The following SSH2 variants were observed in gnomAD, a reference collection of about 807,000 sequenced individuals.
The protein encoded by SSH2 is protein phosphatase Slingshot homolog 2.
Under a neutral mutation model 135.2 loss-of-function variants are expected in SSH2, and 37 were observed. The ratio of observed to expected loss-of-function variants is 0.27; its 90% CI spans 0.21 to 0.36. The LOEUF is 0.36. Among genes scored for constraint, SSH2 ranks in the 10% least tolerant of loss-of-function variants. The probability of loss-of-function intolerance (pLI) is 1.00; values close to 1 mark genes in which losing one functional copy is unlikely to be tolerated. For missense variants in SSH2, 1,408 were observed against 1,765.3 expected, an observed-to-expected ratio of 0.80 and a Z score of 3.63; for synonymous variants, 628 against 646.2, an observed-to-expected ratio of 0.97 and a Z score of 0.43.
rs1334724670 is a variant in SSH2, at chr17:29,797,475, G to A, written c.145-3538C>T. On this transcript the variant is annotated intron_variant, in intron 2 of 15. Coordinates refer to ENST00000540801, the MANE Select transcript of SSH2 (RefSeq NM_001282129.2). The stretch of plus-strand genomic sequence containing the variant: ...ATAATGTTTTCGAGATTCATCCCAC[G>A]TTGTTGCATAAAATAGCAGTTCATT... Among the ~76,000 whole-genome samples the A allele has an allele frequency of 3.3e-5, 5 of 152,262 alleles. No individual in the cohort carries two copies. In the East Asian group the frequency reaches 5.8e-4, roughly 18 times the overall value.
At chr17:29,843,412 C>T (rs2043077480) in intron 2 of SSH2, among the ~76,000 whole-genome samples, 1 of 151,942 alleles carries the variant, frequency 6.6e-6, no homozygotes, top group South Asian at 2.1e-4. Context: ...AAAAATTAGC[C>T]AGGCATGGGT....
At chr17:29,782,559 T>A (rs920503432) in intron 3 of SSH2, among the ~76,000 whole-genome samples, 2 of 152,176 alleles carry the variant, frequency 1.3e-5, no homozygotes, top group African/African-American at 4.8e-5. Flanking sequence ...CAAATCAGTC[T>A]TCCTGAAAAC....
intron 1 of SSH2, among the ~76,000 whole-genome samples, chr17:29,883,837 A>G (rs2066183651): frequency 6.6e-6 from 1 of 152,196 alleles, no homozygotes; most frequent in South Asian, 2.1e-4. Context: ...TTTAGCACAG[A>G]AACATTTTCA....
Position 29,707,493 on chromosome 17 carries a change from G to A in SSH2, c.189-4431C>T, listed in dbSNP as rs1598848441. ...ACAAATGTCAATAAACTTTTCTGATGGAACAAATTGTACAAGGTAGGCCAA... is the reference window on the plus strand; with the variant it reads ...ACAAATGTCAATAAACTTTTCTGATAGAACAAATTGTACAAGGTAGGCCAA... On this transcript the variant is annotated intron_variant, in intron 3 of 15. Coordinates refer to ENST00000540801, the MANE Select transcript of SSH2 (RefSeq NM_001282129.2). Among the ~76,000 whole-genome samples the A allele has an allele frequency of 2.6e-5, 4 of 151,514 alleles. No individual in the cohort carries two copies. In the East Asian group the frequency reaches 7.7e-4, roughly 29 times the overall value.
At chr17:29,732,706 G>A (rs192736392) in intron 3 of SSH2, among the ~76,000 whole-genome samples, 10 of 152,198 alleles carry the variant, frequency 6.6e-5, no homozygotes, top group South Asian at 4.2e-4. Context: ...AGGAGGCTTC[G>A]GCTCATAGCA....
chr17:29,794,558 T>C (rs1599009713), intron 2 of SSH2, among the ~76,000 whole-genome samples: 2 of 152,342 alleles, frequency 1.3e-5, no homozygotes, highest in African/African-American at 4.8e-5. Flanking sequence ...CAATGTCATA[T>C]AAAAGCACTG....
In SSH2 at chr17:29,737,587, T is replaced by C. The variant is rs150316717; in HGVS notation, c.189-34525A>G. 1.9e-3 allele frequency among the ~76,000 whole-genome samples: 283 copies of C among 152,340 alleles called. 1 individual carries two copies. The highest frequency in any genetic ancestry group is 0.01 in the Middle Eastern group (3 of 294). On this transcript the variant is annotated intron_variant, in intron 3 of 15. Coordinates refer to ENST00000540801, the MANE Select transcript of SSH2 (RefSeq NM_001282129.2). ...GCATGGGATATAAAGTTAGAAGACC[T>C]GAATTTCAGTCACTGCCCTTTCGTC...
At chr17:29,893,482 TC>T (rs2066388094) in intron 1 of SSH2, among the ~76,000 whole-genome samples, 1 of 152,086 alleles carries the variant, frequency 6.6e-6, no homozygotes, top group Non-Finnish European at 1.5e-5. Context: ...TCACCCGTTT[TC>T]CCCTTTTGCT....
chr17:29,772,991 C>A (rs2151275148), intron 3 of SSH2, among the ~76,000 whole-genome samples: 1 of 152,066 alleles, frequency 6.6e-6, no homozygotes, highest in African/African-American at 2.4e-5. Flanking sequence ...TCTCGGCTTC[C>A]ATAATTGCAT....
chr17:29,847,425 T>A (rs2043150537), intron 2 of SSH2, among the ~76,000 whole-genome samples: 1 of 152,298 alleles, frequency 6.6e-6, no homozygotes, highest in South Asian at 2.1e-4. Context: ...TATTTCTAAT[T>A]TTCATTAATA....
At chr17:29,673,841 T>G (rs2037596562) in intron 8 of SSH2, 1 of 312,236 alleles carries the variant, frequency 3.2e-6, no homozygotes, top group South Asian at 2.8e-5. Flanking sequence ...ATGTCAAATA[T>G]TTTTCAACTG....
chr17:29,857,769 AC>A (rs1348793675), intron 1 of SSH2, among the ~76,000 whole-genome samples: 1 of 152,196 alleles, frequency 6.6e-6, no homozygotes, highest in South Asian at 2.1e-4. Context: ...AAGCCATCAC[AC>A]CCGGCCCCAT....
At position 29,757,197 on chromosome 17, in the gene SSH2, G is replaced by A. The variant is rs575797970; in HGVS notation, c.188+36697C>T. 2.0e-5 allele frequency among the ~76,000 whole-genome samples: 3 copies of A among 152,316 alleles called. No individual in the cohort carries two copies. The East Asian group carries it at 5.8e-4, about 29-fold the overall frequency. On this transcript the variant is annotated intron_variant, in intron 3 of 15. Coordinates refer to ENST00000540801, the MANE Select transcript of SSH2 (RefSeq NM_001282129.2). ...TATGTACCACAGGGAAATACTCACA[G>A]CACTTGAGGTTTACAGAATCAGGTC...
intron 1 of SSH2, among the ~76,000 whole-genome samples, chr17:29,849,272 G>A (rs1433507572): frequency 6.6e-6 from 1 of 151,966 alleles, no homozygotes; most frequent in African/African-American, 2.4e-5. Context: ...AAGGTCAGGA[G>A]ATCGAGACTA....
At chr17:29,874,548 G>T (rs1193252781) in intron 1 of SSH2, among the ~76,000 whole-genome samples, 1 of 151,888 alleles carries the variant, frequency 6.6e-6, no homozygotes, top group African/African-American at 2.4e-5. Flanking sequence ...TTTTATAGGG[G>T]GCTCTTCCCC....
At chr17:29,888,968 GA>G (rs1480963615) in intron 1 of SSH2, among the ~76,000 whole-genome samples, 1 of 86,726 alleles carries the variant, frequency 1.2e-5, no homozygotes, top group Non-Finnish European at 2.5e-5. Context: ...GGAAAGAAAA[GA>G]AAAAAAGACT....
At chr17:29,894,526 T>C (rs1307608201) in intron 1 of SSH2, among the ~76,000 whole-genome samples, 1 of 152,134 alleles carries the variant, frequency 6.6e-6, no homozygotes. Context: ...TCGATGTAAA[T>C]ACTATGTAAA....
chr17:29,736,665 C>T (rs950161541), intron 3 of SSH2, among the ~76,000 whole-genome samples: 1 of 150,320 alleles, frequency 6.7e-6, no homozygotes, highest in African/African-American at 2.4e-5. Flanking sequence ...CACGTGCCTA[C>T]AGTCCCAGCT....
chr17:29,767,619 G>GCA (rs1314814466), intron 3 of SSH2, among the ~76,000 whole-genome samples: 3 of 113,420 alleles, frequency 2.6e-5, no homozygotes, highest in Admixed American at 8.7e-5. Context: ...AAGCATACAT[G>GCA]CACACACACG....
Sources: allele counts gnomAD v4.1 joint callset (sites outside exome capture counted in the v4.1 genomes callset), GRCh38; gene constraint gnomAD v4.1.1; transcripts MANE v1.5; gene names NCBI Gene and HGNC (gene_info 2026-07-23, HGNC 2026-07-21).